EPHA6: variants seen among roughly 807,000 people sequenced by gnomAD.
EPHA6 encodes the protein EPH receptor A6.
Under a neutral mutation model 112.0 loss-of-function variants are expected in EPHA6, and 50 were observed. That is an observed-to-expected ratio of 0.45 (90% CI 0.36 to 0.56). The LOEUF (loss-of-function observed/expected upper bound fraction) is 0.56, where lower values mean the gene tolerates loss of function less well. Ranked by LOEUF, EPHA6 falls within the 20% of genes least tolerant of loss-of-function variation. EPHA6 has a pLI of 0.00. For missense variants in EPHA6, 1,280 were observed against 1,417.4 expected (o/e 0.90, Z 1.56); for synonymous variants, 529 against 490.7 (o/e 1.08, Z -1.03).
chr3:96,918,046 C>T (rs757757499), intron 2 of EPHA6, among the ~76,000 whole-genome samples: 5 of 152,126 alleles, frequency 3.3e-5, no homozygotes, highest in Non-Finnish European at 5.9e-5. Context: ...ATCCTTACTA[C>T]TTTATATGTT....
At chr3:97,180,424 A>G (rs561695010) in intron 3 of EPHA6, among the ~76,000 whole-genome samples, 1 of 151,970 alleles carries the variant, frequency 6.6e-6, no homozygotes, top group African/African-American at 2.4e-5. Context: ...AGACCCCTTT[A>G]CTTTTCTTTC....
chr3:97,684,574 C>T (rs1236808292), intron 14 of EPHA6, among the ~76,000 whole-genome samples: 1 of 152,088 alleles, frequency 6.6e-6, no homozygotes. Flanking sequence ...GTCACTTCCA[C>T]GTCTAATAAT....
chr3:97,238,834 C>G (rs2078756815), intron 4 of EPHA6, among the ~76,000 whole-genome samples: 1 of 151,798 alleles, frequency 6.6e-6, no homozygotes, highest in Non-Finnish European at 1.5e-5. Flanking sequence ...CAAAAGGGAG[C>G]TAGAGGCTAA....
rs1273344484 is a variant in EPHA6 at position 97,635,021 on chromosome 3, C to T, written c.2575-2852C>T. Among the ~76,000 whole-genome samples the T allele has an allele frequency of 2.0e-5, 3 of 151,516 alleles. No homozygotes were observed. The East Asian group carries it at 5.9e-4, about 30-fold the overall frequency. ...CTAGTATAGCTTGGTTTGGTGCTGACTTGATTCCTGATAAGACTCCTGCAG... is the reference window on the plus strand; with the variant it reads ...CTAGTATAGCTTGGTTTGGTGCTGATTTGATTCCTGATAAGACTCCTGCAG... On this transcript the variant is annotated intron_variant, in intron 13 of 17. Coordinates refer to ENST00000389672, the MANE Select transcript of EPHA6 (RefSeq NM_001080448.3).
intron 6 of EPHA6, among the ~76,000 whole-genome samples, chr3:97,429,748 A>G (rs1160724057): frequency 6.6e-6 from 1 of 152,228 alleles, no homozygotes; most frequent in African/African-American, 2.4e-5. Flanking sequence ...TTCAAACCAA[A>G]CCAAAGATAG....
rs80305085 is a variant in EPHA6, at chr3:97,335,580, T to C, written c.1607-69570T>C. On this transcript the variant is annotated intron_variant, in intron 5 of 17. Transcript: ENST00000389672. ...ATGGCACTATTGGCTTTTTCGACCATGCACCTCAAAACTTTTCTAGCCTCC... is the reference window on the plus strand; with the variant it reads ...ATGGCACTATTGGCTTTTTCGACCACGCACCTCAAAACTTTTCTAGCCTCC... Among the ~76,000 whole-genome samples the C allele has an allele frequency of 7.2e-5, 11 of 152,232 alleles. No homozygotes were observed. In the East Asian group the frequency reaches 1.7e-3, roughly 24 times the overall value.
chr3:97,379,173 G>A (rs999639468), intron 5 of EPHA6, among the ~76,000 whole-genome samples: 4 of 152,062 alleles, frequency 2.6e-5, no homozygotes, highest in Non-Finnish European at 4.4e-5. Context: ...CTATCTGATG[G>A]TTTTCGCATC....
intron 1 of EPHA6, among the ~76,000 whole-genome samples, chr3:96,819,997 G>A (rs1216943048): frequency 6.6e-6 from 1 of 152,090 alleles, no homozygotes; most frequent in Non-Finnish European, 1.5e-5. Flanking sequence ...GTCTTTGAAG[G>A]TGACATTGAA....
chr3:97,018,735 C>T lies in EPHA6; in HGVS notation c.1114+30742C>T, dbSNP rs182291355. Among the ~76,000 whole-genome samples the T allele has an allele frequency of 9.2e-5, 14 of 152,290 alleles. No homozygotes were observed. In the East Asian group the frequency reaches 9.7e-4, roughly 11 times the overall value. On this transcript the variant is annotated intron_variant, in intron 3 of 17. Transcript: ENST00000389672. Reference sequence around the variant, plus strand: ...GGAGACGGTTAGGCCTCCGGATAACCGCAAGCGAGCTTGACTAATGTCAGG... The same window carrying T: ...GGAGACGGTTAGGCCTCCGGATAACTGCAAGCGAGCTTGACTAATGTCAGG...
At chr3:97,591,682 G>T (rs1348777976) in intron 11 of EPHA6, among the ~76,000 whole-genome samples, 1 of 152,136 alleles carries the variant, frequency 6.6e-6, no homozygotes, top group Admixed American at 6.5e-5. Flanking sequence ...GTGAGTTTAG[G>T]ATCTTAAAGT....
chr3:97,676,777 C>T (rs912309480), intron 14 of EPHA6, among the ~76,000 whole-genome samples: 3 of 152,072 alleles, frequency 2.0e-5, no homozygotes, highest in South Asian at 2.1e-4. Flanking sequence ...GTCCCTGGGT[C>T]GAGATGTAGT....
chr3:97,165,027 G>A (rs1277268020), intron 3 of EPHA6, among the ~76,000 whole-genome samples: 1 of 152,030 alleles, frequency 6.6e-6, no homozygotes, highest in Non-Finnish European at 1.5e-5. Context: ...TAATATGTAA[G>A]ACCCTCCACA....
intron 4 of EPHA6, among the ~76,000 whole-genome samples, chr3:97,228,765 A>T (rs543217078): frequency 4.1e-4 from 63 of 152,218 alleles, no homozygotes; most frequent in African/African-American, 1.5e-3. Flanking sequence ...ATCAAATGAT[A>T]GTTCTCCTTT....
intron 2 of EPHA6, among the ~76,000 whole-genome samples, chr3:96,906,949 G>A (rs529897042): frequency 6.6e-6 from 1 of 151,848 alleles, no homozygotes; most frequent in East Asian, 1.9e-4. Context: ...CTGGAATTTC[G>A]GTGGGAGTGG....
intron 16 of EPHA6, among the ~76,000 whole-genome samples, chr3:97,743,158 A>T (rs1276899620): frequency 6.6e-6 from 1 of 152,126 alleles, no homozygotes; most frequent in Non-Finnish European, 1.5e-5. Context: ...GTTGACCACT[A>T]TATCAACAGG....
At chr3:97,462,674 A>C in intron 7 of EPHA6, among the ~76,000 whole-genome samples, 1 of 152,210 alleles carries the variant, frequency 6.6e-6, no homozygotes, top group East Asian at 1.9e-4. Flanking sequence ...ATATAAACAC[A>C]GAATATCTTG....
At chr3:97,198,405 T>C (rs1559792522) in intron 3 of EPHA6, among the ~76,000 whole-genome samples, 3 of 152,156 alleles carry the variant, frequency 2.0e-5, no homozygotes, top group Non-Finnish European at 4.4e-5. Context: ...GTTAGCTCCA[T>C]ATTCTGAAGT....
chr3:97,379,751 CAAAAAAAA>C (rs71623570), intron 5 of EPHA6, among the ~76,000 whole-genome samples: 2 of 30,560 alleles, frequency 6.5e-5, no homozygotes, highest in Non-Finnish European at 2.4e-4. Flanking sequence ...TCTGTCTCCC[CAAAAAAAA>C]AAAAAAAAAA....
At chr3:97,675,252 G>A (rs573035546) in intron 14 of EPHA6, among the ~76,000 whole-genome samples, 1 of 152,290 alleles carries the variant, frequency 6.6e-6, no homozygotes, top group South Asian at 2.1e-4. Flanking sequence ...GCTGAGGCAG[G>A]TGGATCACTT....
Sources: allele counts gnomAD v4.1 joint callset (sites outside exome capture counted in the v4.1 genomes callset), GRCh38; gene constraint gnomAD v4.1.1; transcripts MANE v1.5; gene names NCBI Gene and HGNC (gene_info 2026-07-23, HGNC 2026-07-21).